EYS: variants seen among roughly 807,000 people sequenced by gnomAD.
EYS encodes the protein protein eyes shut homolog.
Under a neutral mutation model 282.1 loss-of-function variants are expected in EYS, and 250 were observed. That is an observed-to-expected ratio of 0.89 (90% CI 0.80 to 0.98). EYS has a LOEUF of 0.98. Among genes scored for constraint, EYS ranks in the 50% least tolerant of loss-of-function variants. The probability of loss-of-function intolerance (pLI) is 0.00; values close to 1 mark genes in which losing one functional copy is unlikely to be tolerated. For synonymous variants in EYS, 1,355 were observed against 1,282.9 expected (o/e 1.06, Z -1.20); for missense variants, 4,016 against 3,709.0 (o/e 1.08, Z -2.15).
chr6:64,372,744 A>G (rs756240170), intron 29 of EYS, among the ~76,000 whole-genome samples: 2 of 151,872 alleles, frequency 1.3e-5, no homozygotes, highest in Non-Finnish European at 2.9e-5. Flanking sequence ...TTCATTCTTT[A>G]TTGTTTTTCC....
intron 2 of EYS, among the ~76,000 whole-genome samples, chr6:65,521,467 A>G (rs944356247): frequency 6.6e-6 from 1 of 152,184 alleles, no homozygotes; most frequent in African/African-American, 2.4e-5. Context: ...ATAGAAAGTT[A>G]GTAAATTTAT....
In EYS at chr6:64,507,378, A is replaced by C. The variant is rs144813016; in HGVS notation, c.5645-68026T>G. 8.6e-3 allele frequency among the ~76,000 whole-genome samples: 1,317 copies of C among 152,292 alleles called. 26 individuals are homozygous for C. The highest frequency in any genetic ancestry group is 0.029 in the African/African-American group (1,209 of 41,566). On this transcript the variant is annotated intron_variant, in intron 26 of 42. Transcript: ENST00000503581. ...AATGAAGTCTTCATGGCTCTGTTATATAATCAGGGTGAAGCAATAATTTAA... is the reference window on the plus strand; with the variant it reads ...AATGAAGTCTTCATGGCTCTGTTATCTAATCAGGGTGAAGCAATAATTTAA...
intron 2 of EYS, among the ~76,000 whole-genome samples, chr6:65,524,310 ATTG>A (rs759324464): frequency 1.3e-5 from 2 of 152,180 alleles, no homozygotes; most frequent in Non-Finnish European, 2.9e-5. Context: ...CAATGGAATA[ATTG>A]TTGTGTCTCC....
At chr6:65,109,835 T>G (rs1193008799) in intron 12 of EYS, among the ~76,000 whole-genome samples, 1 of 152,126 alleles carries the variant, frequency 6.6e-6, no homozygotes, top group Admixed American at 6.6e-5. Context: ...ATTCACCCTC[T>G]CGTACCTTCA....
intron 33 of EYS, among the ~76,000 whole-genome samples, chr6:64,065,434 G>T (rs745805839): frequency 1.3e-5 from 2 of 152,134 alleles, no homozygotes; most frequent in Non-Finnish European, 2.9e-5. Flanking sequence ...GTTGCTGCAT[G>T]TAAATTTTGT....
intron 12 of EYS, among the ~76,000 whole-genome samples, chr6:65,091,880 A>T (rs1774579687): frequency 6.6e-6 from 1 of 151,912 alleles, no homozygotes; most frequent in African/African-American, 2.4e-5. Context: ...TGCACTGCTG[A>T]CTCTGTAGGA....
At chr6:65,178,575 C>A (rs1210186149) in intron 12 of EYS, among the ~76,000 whole-genome samples, 1 of 151,934 alleles carries the variant, frequency 6.6e-6, no homozygotes, top group African/African-American at 2.4e-5. Context: ...TCCTGAGTGA[C>A]CTACAAAGAG....
chr6:64,062,352 T>C (rs561304602), intron 33 of EYS, among the ~76,000 whole-genome samples: 2 of 152,062 alleles, frequency 1.3e-5, no homozygotes, highest in Non-Finnish European at 2.9e-5. Context: ...CTGGCAGGAA[T>C]CTTCTCTCAT....
intron 30 of EYS, among the ~76,000 whole-genome samples, chr6:64,302,075 A>G (rs113361191): frequency 0.013 from 2,015 of 152,278 alleles, 43 homozygotes; most frequent in African/African-American, 0.046. Context: ...TGCTAAATCA[A>G]CGTACACATC....
chr6:64,511,730 A>C (rs1023772798), intron 26 of EYS, among the ~76,000 whole-genome samples: 1 of 151,964 alleles, frequency 6.6e-6, no homozygotes, highest in Non-Finnish European at 1.5e-5. Flanking sequence ...GATGGCTGCT[A>C]TTCCTGCCTA....
chr6:65,634,849 C>T (rs993123532), intron 2 of EYS, among the ~76,000 whole-genome samples: 3 of 152,196 alleles, frequency 2.0e-5, no homozygotes, highest in African/African-American at 7.2e-5. Flanking sequence ...CAGTGCCTTC[C>T]TCTTCTATAA....
intron 35 of EYS, among the ~76,000 whole-genome samples, chr6:63,884,656 A>G (rs1368629083): frequency 3.3e-5 from 5 of 152,286 alleles, no homozygotes; most frequent in Non-Finnish European, 7.4e-5. Flanking sequence ...CTTTAGTGTC[A>G]AATTTATTTT....
At chr6:64,412,437 T>C (rs912488948) in intron 28 of EYS, among the ~76,000 whole-genome samples, 2 of 152,144 alleles carry the variant, frequency 1.3e-5, no homozygotes, top group African/African-American at 4.8e-5. Context: ...ATTTATCTAA[T>C]GCTGTGTCTA....
At chr6:63,798,940 AATATATATATATATGTATATGTGT>A (rs1290090315) in intron 37 of EYS, among the ~76,000 whole-genome samples, 108 of 140,650 alleles carry the variant, frequency 7.7e-4, no homozygotes, top group African/African-American at 2.7e-3. Flanking sequence ...TTTCTTCTAA[AATATATATATATATGTATATGTGT>A]ATATATATAT....
At chr6:64,151,346 T>C (rs1582347376) in intron 31 of EYS, among the ~76,000 whole-genome samples, 2 of 116,568 alleles carry the variant, frequency 1.7e-5, no homozygotes, top group African/African-American at 7.5e-5. Context: ...TATATATATA[T>C]ATATATATAT....
chr6:65,331,830 T>A (rs1582149478), intron 11 of EYS: 1 of 567,150 alleles, frequency 1.8e-6, no homozygotes, highest in Non-Finnish European at 2.2e-6. Context: ...CACATATCAG[T>A]AATTCATCTT....
intron 28 of EYS, among the ~76,000 whole-genome samples, chr6:64,408,341 A>G (rs1014039034): frequency 6.6e-6 from 1 of 152,188 alleles, no homozygotes; most frequent in Non-Finnish European, 1.5e-5. Context: ...ATTAAGTCAC[A>G]CTATGCAACT....
chr6:64,153,538 A>T (rs1774812845), intron 31 of EYS, among the ~76,000 whole-genome samples: 1 of 152,246 alleles, frequency 6.6e-6, no homozygotes, highest in Admixed American at 6.5e-5. Flanking sequence ...TAAATAGATA[A>T]TTCATAAACG....
chr6:64,791,705 A>G (rs181577952), intron 22 of EYS, among the ~76,000 whole-genome samples: 1 of 151,994 alleles, frequency 6.6e-6, no homozygotes, highest in Admixed American at 6.6e-5. Context: ...ACAAAGTGTA[A>G]ACTAATAAAT....
Sources: allele counts gnomAD v4.1 joint callset (sites outside exome capture counted in the v4.1 genomes callset), GRCh38; gene constraint gnomAD v4.1.1; transcripts MANE v1.5; gene names NCBI Gene and HGNC (gene_info 2026-07-23, HGNC 2026-07-21).